The following ATP8B4 variants were observed in gnomAD, a reference collection of about 807,000 sequenced individuals.
ATP8B4 encodes the protein probable phospholipid-transporting ATPase IM.
Under a neutral mutation model 145.6 loss-of-function variants are expected in ATP8B4, and 133 were observed. The observed-to-expected ratio is 0.91, with a 90% CI of 0.79 to 1.05. The LOEUF (loss-of-function observed/expected upper bound fraction) is 1.05, where lower values mean the gene tolerates loss of function less well. Ranked by LOEUF, ATP8B4 falls within the 50% of genes least tolerant of loss-of-function variation. The probability of loss-of-function intolerance (pLI) is 0.00; values close to 1 mark genes in which losing one functional copy is unlikely to be tolerated. For missense variants in ATP8B4, 1,458 were observed against 1,425.2 expected (o/e 1.02, Z -0.37); for synonymous variants, 507 against 492.9 (o/e 1.03, Z -0.38).
At chr15:50,043,955 G>A (rs867203079) in intron 5 of ATP8B4, among the ~76,000 whole-genome samples, 37 of 118,952 alleles carry the variant, frequency 3.1e-4, no homozygotes, top group African/African-American at 7.6e-4. Context: ...GCGAGACTCC[G>A]TTTCAAAAAA....
chr15:50,055,941 A>G (rs558828742), intron 3 of ATP8B4, among the ~76,000 whole-genome samples: 3 of 152,308 alleles, frequency 2.0e-5, no homozygotes, highest in Non-Finnish European at 2.9e-5. Context: ...GTAGTTCCTC[A>G]GTATCAGCTG....
upstream of ATP8B4, among the ~76,000 whole-genome samples, chr15:50,120,088 T>A (rs978621943): frequency 2.0e-5 from 3 of 152,124 alleles, no homozygotes; most frequent in African/African-American, 7.2e-5. Context: ...ATCTAGGAAT[T>A]TTCCAGAAGT....
chr15:50,016,235 G>A (rs1055712892), intron 6 of ATP8B4, among the ~76,000 whole-genome samples: 2 of 152,146 alleles, frequency 1.3e-5, no homozygotes, highest in African/African-American at 4.8e-5. Context: ...GCCCAAATGA[G>A]CCTCCTAAGA....
chr15:49,942,833 A>G lies in ATP8B4; in HGVS notation c.1288-8651T>C, dbSNP rs560249689. Among the ~76,000 whole-genome samples, 428 of 152,170 alleles carry G rather than the reference A, an allele frequency of 2.8e-3. 4 individuals are homozygous for G. The South Asian group carries it at 0.041, about 15-fold the overall frequency. On this transcript the variant is annotated intron_variant, in intron 14 of 27. Coordinates refer to ENST00000284509, the MANE Select transcript of ATP8B4 (RefSeq NM_024837.4). ...GAGCAAGACTCCATCTCAAAAAAAT[A>G]AAAAATAAAATAAAAAGAAATGAAC... is the stretch of plus-strand genomic sequence containing the variant.
rs574002952 is a variant in ATP8B4 at position 50,158,861 on chromosome 15, A to C, written c.-43+23400T>G. ...GTGCCCACTCAGGGTTAAATGGATT[A>C]AGGGTGGTGCAAGATGTGCTTTGTT... On this transcript the variant is annotated intron_variant, in intron 1 of 3. Coordinates refer to the ATP8B4 transcript ENST00000558829. 4.9e-4 allele frequency among the ~76,000 whole-genome samples: 74 copies of C among 152,330 alleles called. No individual in the cohort carries two copies. In the East Asian group the frequency reaches 7.7e-3, roughly 16 times the overall value.
chr15:49,948,621 T>A (rs1361099090), intron 14 of ATP8B4, among the ~76,000 whole-genome samples: 2 of 152,248 alleles, frequency 1.3e-5, no homozygotes, highest in Non-Finnish European at 2.9e-5. Flanking sequence ...TGTCTGTTCA[T>A]ATACTTTGCC....
intron 5 of ATP8B4, among the ~76,000 whole-genome samples, chr15:50,043,623 A>T (rs1274933354): frequency 5.3e-5 from 8 of 152,164 alleles, no homozygotes; most frequent in Non-Finnish European, 1.2e-4. Context: ...TAATTTTCTT[A>T]ATAACATTTT....
chr15:49,874,223 C>G (rs1455423612), intron 25 of ATP8B4, among the ~76,000 whole-genome samples: 1 of 152,154 alleles, frequency 6.6e-6, no homozygotes, highest in Non-Finnish European at 1.5e-5. Context: ...TTTGTACTTA[C>G]AAGGGGAGAT....
Position 49,861,428 on chromosome 15 carries a change from GTC to G in ATP8B4, c.3297+815_3297+816del, listed in dbSNP as rs755664783. ...TGTGTGTGTGTGTGTGTGTGTGTCT[GTC>G]TGTCTGTCTGTCTGTCTGTCTGTCT... is the stretch of plus-strand genomic sequence containing the variant. On this transcript the variant is annotated intron_variant, in intron 27 of 27. Coordinates refer to ENST00000284509, the MANE Select transcript of ATP8B4 (RefSeq NM_024837.4). Among the ~76,000 whole-genome samples, 198 of 144,240 alleles carry G rather than the reference GTC, an allele frequency of 1.4e-3. 1 individual carries two copies. Among genetic ancestry groups the G allele is most frequent in the East Asian group, 2.8e-3 (14 of 4,988 alleles). 94.6% of individuals were successfully genotyped at this position (144,240 alleles called of 152,430 possible).
At chr15:50,099,635 A>G (rs2056219546) in intron 2 of ATP8B4, among the ~76,000 whole-genome samples, 1 of 152,228 alleles carries the variant, frequency 6.6e-6, no homozygotes. Context: ...GCTATAAGGA[A>G]AGAGTGAATT....
At chr15:49,924,898 CTTGA>C (rs2040579141) in intron 16 of ATP8B4, among the ~76,000 whole-genome samples, 1 of 152,160 alleles carries the variant, frequency 6.6e-6, no homozygotes, top group South Asian at 2.1e-4. Flanking sequence ...AAGACTCTCT[CTTGA>C]TTTTCTTGTA....
In ATP8B4 at chr15:50,083,595, G is replaced by A. The variant is rs138623445; in HGVS notation, c.29-9410C>T. Among the ~76,000 whole-genome samples, 3 of 152,270 alleles carry A rather than the reference G, an allele frequency of 2.0e-5. No homozygotes were observed. The East Asian group carries it at 5.8e-4, about 30-fold the overall frequency. On this transcript the variant is annotated intron_variant, in intron 2 of 27. Coordinates refer to ENST00000284509, the MANE Select transcript of ATP8B4 (RefSeq NM_024837.4). ...CATAAAATGAGAGGAAATAACTCCA[G>A]GCATAAAAGAAAGACAGGCAAGAAA...
Position 49,860,494 on chromosome 15 carries a change from A to G in ATP8B4, c.3298-19T>C. The stretch of plus-strand genomic sequence containing the variant: ...GGCGGATCTGGAGAGAAACAGACCC[A>G]AAGTGAGATGATGCATCCAAATGAT... On this transcript the variant is annotated intron_variant, in intron 27 of 27. Transcript: ENST00000284509. 1 of 1,584,062 alleles carries G rather than the reference A, an allele frequency of 6.3e-7. No homozygotes were observed. The highest frequency in any genetic ancestry group is 8.6e-7 in the Non-Finnish European group (1 of 1,167,906).
intron 21 of ATP8B4, among the ~76,000 whole-genome samples, chr15:49,898,463 A>G (rs529839072): frequency 5.3e-5 from 8 of 152,326 alleles, no homozygotes; most frequent in African/African-American, 1.4e-4. Flanking sequence ...AAATACTACT[A>G]AGGAATTTTA....
chr15:50,137,751 C>T (rs779565572), intron 1 of ATP8B4, among the ~76,000 whole-genome samples: 7 of 152,172 alleles, frequency 4.6e-5, no homozygotes, highest in Non-Finnish European at 8.8e-5. Context: ...TCCTTAGAGA[C>T]ATATACAGTG....
intron 10 of ATP8B4, among the ~76,000 whole-genome samples, chr15:49,985,100 ATTTT>A (rs11314773): frequency 6.9e-6 from 1 of 145,878 alleles, no homozygotes. Context: ...TTCATTTTGG[ATTTT>A]TTTTTTTTTT....
At chr15:50,029,652 G>A (rs2050288816) in intron 6 of ATP8B4, among the ~76,000 whole-genome samples, 1 of 152,136 alleles carries the variant, frequency 6.6e-6, no homozygotes, top group Admixed American at 6.5e-5. Context: ...AACCATGACA[G>A]TAGGACGTGG....
chr15:50,086,928 AAT>A (rs61728606), intron 2 of ATP8B4, among the ~76,000 whole-genome samples: 16 of 95,178 alleles, frequency 1.7e-4, no homozygotes, highest in African/African-American at 7.0e-4. Context: ...ATAATAAAAT[AAT>A]ATAGAGATCT....
rs2044668403 is a variant in ATP8B4, at chr15:49,967,554, C to T, written c.1243+5028G>A. On this transcript the variant is annotated intron_variant, in intron 13 of 27. Transcript: ENST00000284509. ...TGAAGATCAACTTAATGAAATAAAG[C>T]ATGAAGAAAAGATTAGAGAAAAAAG... 1.3e-5 allele frequency among the ~76,000 whole-genome samples: 2 copies of T among 151,912 alleles called. 1 individual carries two copies. The highest frequency in any genetic ancestry group is 1.3e-4 in the Admixed American group (2 of 15,236).
Sources: allele counts gnomAD v4.1 joint callset (sites outside exome capture counted in the v4.1 genomes callset), GRCh38; gene constraint gnomAD v4.1.1; transcripts MANE v1.5; gene names NCBI Gene and HGNC (gene_info 2026-07-23, HGNC 2026-07-21).